The following PGM3 variants were observed in gnomAD, a reference collection of about 807,000 sequenced individuals.
PGM3 encodes the protein phosphoglucomutase 3.
A neutral mutation model predicts 66.2 loss-of-function variants in PGM3; 40 were observed. The ratio of observed to expected loss-of-function variants is 0.60; its 90% confidence interval spans 0.47 to 0.79. PGM3 has a LOEUF of 0.79. Ranked by LOEUF, PGM3 falls within the 30% of genes least tolerant of loss-of-function variation. The pLI, the probability that PGM3 is intolerant of heterozygous loss-of-function variation, is 0.00. For synonymous variants in PGM3, 191 were observed against 224.2 expected, an observed-to-expected ratio of 0.85 and a Z score of 1.32; for missense variants, 537 against 643.4, an observed-to-expected ratio of 0.83 and a Z score of 1.79.
At chr6:83,164,665 G>T, downstream of PGM3, 1 of 1,577,890 alleles carries the variant, frequency 6.3e-7, no homozygotes, top group East Asian at 2.3e-5. Flanking sequence ...CACAGGACAA[G>T]GAGGAGGACT....
At chr6:83,160,559 A>C (rs1054312814), downstream of PGM3, among the ~76,000 whole-genome samples, 1 of 152,202 alleles carries the variant, frequency 6.6e-6, no homozygotes, top group African/African-American at 2.4e-5. Context: ...TTGGCTATGT[A>C]GTGTGGAGAA....
chr6:83,182,728 A>C (rs1213345613), intron 5 of PGM3, 117 bp downstream of exon 5: 3 of 920,480 alleles, frequency 3.3e-6, no homozygotes, highest in Non-Finnish European at 5.0e-6. Flanking sequence ...AAAAAAGGAG[A>C]TATGCAGCAT....
the PGM3 span, chr6:83,151,674 G>A: frequency 1.3e-6 from 2 of 1,590,440 alleles, no homozygotes; most frequent in South Asian, 1.2e-5. Flanking sequence ...GGCAGTCTAA[G>A]AGCTGTTGCC....
At chr6:83,163,594 A>G (rs1330860743), downstream of PGM3, among the ~76,000 whole-genome samples, 1 of 152,198 alleles carries the variant, frequency 6.6e-6, no homozygotes, top group Non-Finnish European at 1.5e-5. Flanking sequence ...ATTATAACCT[A>G]CATTCAGAAA....
rs1302950020 is a variant in PGM3 at position 83,166,994 on chromosome 6, T to A, written c.*2240A>T. On this transcript the variant is annotated 3_prime_UTR_variant, in exon 13 of 13. Transcript: ENST00000513973. ...CTGCCCAAGTTCAACCAACCTGTTC[T>A]CTCTTATCTTTCTCTAGACAGAATG... 7.1e-6 allele frequency: 7 copies of A among 985,730 alleles called. No individual in the cohort carries two copies. The highest frequency in any genetic ancestry group is 8.4e-6 in the Non-Finnish European group (7 of 830,244). The allele number at this position is 985,730 out of a possible 1,614,324, so 61.1% of individuals were successfully genotyped here. A position where few individuals can be genotyped will look rare whatever the true frequency, so the allele number is the denominator to read the frequency against.
At chr6:83,153,447 C>A in the PGM3 span, 1 of 1,015,498 alleles carries the variant, frequency 9.8e-7, no homozygotes. Flanking sequence ...AACTGAAAAT[C>A]AGTACCTTGG....
intron 3 of PGM3, among the ~76,000 whole-genome samples, chr6:83,187,673 A>C (rs905079638): frequency 6.6e-6 from 1 of 152,106 alleles, no homozygotes; most frequent in Non-Finnish European, 1.5e-5. Context: ...GCGTGGTGGC[A>C]CACAGCTGTA....
downstream of PGM3, chr6:83,160,057 T>C: frequency 1.7e-6 from 2 of 1,159,334 alleles, no homozygotes; most frequent in Non-Finnish European, 2.5e-6. Context: ...TTGTGTAAGT[T>C]GAAATATTCC....
downstream of PGM3, chr6:83,159,969 A>C: frequency 6.2e-7 from 1 of 1,613,550 alleles, no homozygotes; most frequent in Non-Finnish European, 8.5e-7. Context: ...ATGTAAGTAA[A>C]AGCAAGGATA....
In PGM3 at chr6:83,190,976, G is replaced by C; in HGVS notation, c.37C>G (p.His13Asp). 6.2e-7 allele frequency: 1 copy of C among 1,614,046 alleles called. No individual in the cohort carries two copies. Among genetic ancestry groups the C allele is most frequent in the Non-Finnish European group, 8.5e-7 (1 of 1,179,886 alleles). ...AGGATCAGTCCATTGGGCTTGGCGT[G>C]TAATGCTGAGTATTTTGTAATAGCA... ...LGAITKYSAL[H>D]AKPNGLILQY... Residue 13 changes from histidine (H) to aspartate (D), a missense_variant, in exon 2 of 13, where the codon CAC becomes GAC. Coordinates refer to ENST00000513973, the MANE Select transcript of PGM3 (RefSeq NM_015599.3).
intron 12 of PGM3, 33 bp from the exon 13 acceptor site, chr6:83,169,356 A>C: frequency 6.2e-7 from 1 of 1,611,480 alleles, no homozygotes; most frequent in Non-Finnish European, 8.5e-7. Flanking sequence ...TTAGATGAGA[A>C]AGACATAGCA....
chr6:83,156,235 C>T, downstream of PGM3: 1 of 674,876 alleles, frequency 1.5e-6, no homozygotes, highest in Non-Finnish European at 2.3e-6. Flanking sequence ...AATTTTTCTA[C>T]TGAAACAATG....
the PGM3 span, among the ~76,000 whole-genome samples, chr6:83,150,216 A>G: frequency 3.3e-5 from 5 of 152,314 alleles, no homozygotes; most frequent in East Asian, 5.8e-4. Context: ...TCTACAAAAA[A>G]TTTAAAAATT....
At chr6:83,164,639 T>A, downstream of PGM3, 1 of 1,559,114 alleles carries the variant, frequency 6.4e-7, no homozygotes, top group Non-Finnish European at 8.7e-7. Context: ...AGGCTGTGAG[T>A]TCTCCTCTTT....
intron 8 of PGM3, among the ~76,000 whole-genome samples, chr6:83,176,493 C>T (rs1787781452): frequency 6.6e-6 from 1 of 152,190 alleles, no homozygotes; most frequent in African/African-American, 2.4e-5. Flanking sequence ...AGCCACAGAC[C>T]ATACATAAAC....
chr6:83,154,037 T>A, the PGM3 span: 1 of 1,613,988 alleles, frequency 6.2e-7, no homozygotes, highest in Non-Finnish European at 8.5e-7. Flanking sequence ...GCCTCTTGTG[T>A]TAATCAGTAA....
At chr6:83,162,984 T>C (rs531546271), downstream of PGM3, 38 of 1,493,470 alleles carry the variant, frequency 2.5e-5, 1 homozygote, top group South Asian at 5.0e-4. Flanking sequence ...GAGGTATTTA[T>C]TAAATACTTC....
chr6:83,186,393 A>G (rs1367934773), intron 4 of PGM3, among the ~76,000 whole-genome samples: 2 of 152,188 alleles, frequency 1.3e-5, no homozygotes, highest in Non-Finnish European at 2.9e-5. Flanking sequence ...GGAAGGGAAC[A>G]CAGTCGGAAC....
At chr6:83,149,593 A>G in the PGM3 span, among the ~76,000 whole-genome samples, 1 of 152,110 alleles carries the variant, frequency 6.6e-6, no homozygotes, top group East Asian at 1.9e-4. Context: ...TTTTATTTTA[A>G]AGAATGTGGT....
Sources: gnomAD v4.1 joint callset for allele counts (sites outside exome capture counted in the v4.1 genomes callset) on GRCh38, gnomAD v4.1.1 for gene constraint, MANE v1.5 for transcripts, NCBI Gene and HGNC (gene_info 2026-07-23, HGNC 2026-07-21) for gene names.